The following CACHD1 variants were observed in gnomAD, a reference collection of about 807,000 sequenced individuals.
The protein encoded by CACHD1 is cache domain containing 1.
CACHD1 carries 71 observed loss-of-function variants against 138.7 expected under a neutral mutation model. The ratio of observed to expected loss-of-function variants is 0.51; its 90% CI spans 0.42 to 0.62. The LOEUF is 0.62. Among genes scored for constraint, CACHD1 ranks in the 20% least tolerant of loss-of-function variants. CACHD1 has a pLI of 0.00. For missense variants in CACHD1, 1,389 were observed against 1,625.3 expected (o/e 0.85, Z 2.50); for synonymous variants, 578 against 591.5 (o/e 0.98, Z 0.33).
At chr1:64,485,105 A>G (rs1483638634) in intron 1 of CACHD1, among the ~76,000 whole-genome samples, 2 of 152,180 alleles carry the variant, frequency 1.3e-5, no homozygotes, top group Non-Finnish European at 2.9e-5. Context: ...CAAGGGTTCT[A>G]ATTTCTTCCC....
chr1:64,620,433 C>T (rs1291300842), intron 4 of CACHD1, among the ~76,000 whole-genome samples: 1 of 152,132 alleles, frequency 6.6e-6, no homozygotes, highest in East Asian at 1.9e-4. Flanking sequence ...ACCTCATCCC[C>T]TCCTAAGGGG....
chr1:64,599,611 C>G (rs1224342794), intron 3 of CACHD1, among the ~76,000 whole-genome samples: 1 of 152,112 alleles, frequency 6.6e-6, no homozygotes, highest in African/African-American at 2.4e-5. Context: ...GGTGAAACTA[C>G]TTTATGATGG....
Position 64,528,834 on chromosome 1 carries a change from A to G in CACHD1, c.199-21760A>G, listed in dbSNP as rs1646560110. Among the ~76,000 whole-genome samples the G allele has an allele frequency of 1.3e-5, 2 of 151,164 alleles. 1 individual carries two copies. The highest frequency in any genetic ancestry group is 3.0e-5 in the Non-Finnish European group (2 of 67,754). On this transcript the variant is annotated intron_variant, in intron 1 of 26. Coordinates refer to ENST00000651257, the MANE Select transcript of CACHD1 (RefSeq NM_020925.4). ...GGTTGATGTTGATATTTGTAATCAC[A>G]TTTTTTTTTCCATTTAAAAAATATC...
At chr1:64,594,253 T>A (rs1292499698) in intron 3 of CACHD1, among the ~76,000 whole-genome samples, 3 of 138,008 alleles carry the variant, frequency 2.2e-5, no homozygotes, top group Admixed American at 7.3e-5. Context: ...AAACTTTGTC[T>A]AAAAAAAAAA....
intron 8 of CACHD1, among the ~76,000 whole-genome samples, chr1:64,645,974 G>A (rs1648888824): frequency 6.6e-6 from 1 of 152,110 alleles, no homozygotes; most frequent in African/African-American, 2.4e-5. Flanking sequence ...TGACCATGTT[G>A]ATAATAGGCA....
intron 2 of CACHD1, among the ~76,000 whole-genome samples, chr1:64,570,530 G>C (rs536559779): frequency 6.6e-6 from 1 of 152,046 alleles, no homozygotes; most frequent in African/African-American, 2.4e-5. Flanking sequence ...AGGTGTTAGC[G>C]GTGAATCCTG....
At chr1:64,598,545 G>A (rs542518101) in intron 3 of CACHD1, among the ~76,000 whole-genome samples, 12 of 152,292 alleles carry the variant, frequency 7.9e-5, no homozygotes, top group African/African-American at 2.4e-4. Flanking sequence ...TGTGCTAGAC[G>A]TGAGAGAGAA....
At chr1:64,683,840 C>T (rs957933992) in intron 26 of CACHD1, among the ~76,000 whole-genome samples, 17 of 152,270 alleles carry the variant, frequency 1.1e-4, no homozygotes, top group Admixed American at 1.0e-3. Flanking sequence ...GTACGTGGGT[C>T]ACTAAAAATG....
chr1:64,602,388 T>C (rs762334247), intron 3 of CACHD1, among the ~76,000 whole-genome samples: 5 of 152,168 alleles, frequency 3.3e-5, no homozygotes, highest in Non-Finnish European at 7.3e-5. Context: ...CACTACTGTC[T>C]ATTTTTGTAC....
chr1:64,610,668 C>A (rs914160848), intron 4 of CACHD1, among the ~76,000 whole-genome samples: 1 of 152,256 alleles, frequency 6.6e-6, no homozygotes, highest in Non-Finnish European at 1.5e-5. Context: ...GGTAAGCCCA[C>A]CTCCTGGCTC....
chr1:64,496,121 G>A (rs1018397939), intron 1 of CACHD1, among the ~76,000 whole-genome samples: 2 of 152,170 alleles, frequency 1.3e-5, no homozygotes, highest in African/African-American at 4.8e-5. Context: ...GTGACTTGAT[G>A]TATGTTTAGT....
chr1:64,644,010 T>C (rs1648823112), intron 8 of CACHD1, among the ~76,000 whole-genome samples: 1 of 152,240 alleles, frequency 6.6e-6, no homozygotes, highest in South Asian at 2.1e-4. Flanking sequence ...CATTATACTA[T>C]AGTAAGGTGC....
At position 64,656,484 on chromosome 1, in the gene CACHD1, A is replaced by G. The variant is rs568570749; in HGVS notation, c.1782+1681A>G. Among the ~76,000 whole-genome samples the G allele has an allele frequency of 1.2e-4, 19 of 152,304 alleles. No homozygotes were observed. The South Asian group carries it at 3.1e-3, about 25-fold the overall frequency. On this transcript the variant is annotated intron_variant, in intron 12 of 26. Coordinates refer to ENST00000651257, the MANE Select transcript of CACHD1 (RefSeq NM_020925.4). Reference sequence around the variant, plus strand: ...TGAAATTAGAGATTGTTTACCTCCAACATATTCTGATTGAAAGCAACTCAG... The same window carrying G: ...TGAAATTAGAGATTGTTTACCTCCAGCATATTCTGATTGAAAGCAACTCAG...
intron 4 of CACHD1, among the ~76,000 whole-genome samples, chr1:64,627,598 A>G (rs971870355): frequency 6.6e-6 from 1 of 152,096 alleles, no homozygotes; most frequent in Non-Finnish European, 1.5e-5. Flanking sequence ...TTCACAGGGA[A>G]CCATCACCCC....
At chr1:64,591,969 G>A (rs1286678720) in intron 3 of CACHD1, among the ~76,000 whole-genome samples, 2 of 152,214 alleles carry the variant, frequency 1.3e-5, no homozygotes, top group African/African-American at 2.4e-5. Context: ...TGCCAAAGGA[G>A]TTAGTTTGTG....
intron 5 of CACHD1, among the ~76,000 whole-genome samples, chr1:64,629,732 C>T (rs1648236690): frequency 6.6e-6 from 1 of 152,010 alleles, no homozygotes; most frequent in African/African-American, 2.4e-5. Context: ...CTCGTGAAGT[C>T]AAATTGTGTG....
At chr1:64,580,937 A>G (rs541624208) in intron 2 of CACHD1, among the ~76,000 whole-genome samples, 2 of 152,330 alleles carry the variant, frequency 1.3e-5, no homozygotes, top group East Asian at 1.9e-4. Context: ...AATAGTAAGA[A>G]GTCTAGGTCA....
intron 1 of CACHD1, among the ~76,000 whole-genome samples, chr1:64,507,281 G>T (rs1048052643): frequency 6.6e-6 from 1 of 152,146 alleles, no homozygotes; most frequent in African/African-American, 2.4e-5. Flanking sequence ...CTGGAGTCTT[G>T]CCTTATAGTT....
At chr1:64,493,988 G>T (rs1451186389) in intron 1 of CACHD1, among the ~76,000 whole-genome samples, 2 of 152,208 alleles carry the variant, frequency 1.3e-5, no homozygotes, top group Non-Finnish European at 2.9e-5. Context: ...TCACCGAATG[G>T]CAGAGCTGGG....
Sources: allele counts gnomAD v4.1 joint callset (sites outside exome capture counted in the v4.1 genomes callset), GRCh38; gene constraint gnomAD v4.1.1; transcripts MANE v1.5; gene names NCBI Gene and HGNC (gene_info 2026-07-23, HGNC 2026-07-21).